Variants in ERC2 observed in about 807,000 individuals in gnomAD.
ERC2 encodes ERC protein 2.
In ERC2, 42 loss-of-function variants were observed where a neutral mutation model predicts 114.8. The observed-to-expected ratio is 0.37, with a 90% CI of 0.29 to 0.47. The LOEUF is 0.47. Among genes scored for constraint, ERC2 ranks in the 20% least tolerant of loss-of-function variants. The pLI, the probability that ERC2 is intolerant of heterozygous loss-of-function variation, is 0.99. For missense variants in ERC2, 939 were observed against 1,150.7 expected (o/e 0.82, Z 2.66); for synonymous variants, 454 against 425.5 (o/e 1.07, Z -0.82).
Position 56,156,560 on chromosome 3 carries a change from C to G in ERC2, c.1150-7428G>C, listed in dbSNP as rs147231967. ...CCTAGGTAAGGGGTGGAGTTGGGTGCAGGGTACTCTGAGGGTTTGGGGTAG... is the reference window on the plus strand; with the variant it reads ...CCTAGGTAAGGGGTGGAGTTGGGTGGAGGGTACTCTGAGGGTTTGGGGTAG... On this transcript the variant is annotated intron_variant, in intron 4 of 17. Transcript: ENST00000288221. Among the ~76,000 whole-genome samples, 37 of 152,190 alleles carry G rather than the reference C, an allele frequency of 2.4e-4. No homozygotes were observed. In the East Asian group the frequency reaches 5.8e-3, roughly 24 times the overall value.
chr3:56,016,094 T>A (rs2073288040), intron 8 of ERC2, among the ~76,000 whole-genome samples: 1 of 152,194 alleles, frequency 6.6e-6, no homozygotes, highest in Non-Finnish European at 1.5e-5. Flanking sequence ...TCCTTGCATA[T>A]TCTGGATATT....
At chr3:56,219,709 T>A (rs2049769480) in intron 3 of ERC2, among the ~76,000 whole-genome samples, 1 of 149,048 alleles carries the variant, frequency 6.7e-6, no homozygotes, top group Admixed American at 6.7e-5. Flanking sequence ...GAAAGAGTGT[T>A]GGGCTCAGAG....
intron 17 of ERC2, among the ~76,000 whole-genome samples, chr3:55,635,353 C>A (rs939950460): frequency 6.6e-6 from 1 of 151,942 alleles, no homozygotes; most frequent in Non-Finnish European, 1.5e-5. Context: ...GTGGTGAAAT[C>A]ATATCATTAT....
chr3:55,900,335 A>C (rs528874209), intron 13 of ERC2, among the ~76,000 whole-genome samples: 1 of 152,266 alleles, frequency 6.6e-6, no homozygotes, highest in East Asian at 1.9e-4. Flanking sequence ...TTTCTTCAGC[A>C]CTCAAAATAA....
At chr3:56,312,603 TG>T (rs2056645034) in intron 2 of ERC2, among the ~76,000 whole-genome samples, 1 of 152,182 alleles carries the variant, frequency 6.6e-6, no homozygotes, top group Non-Finnish European at 1.5e-5. Context: ...TTAAATGCTA[TG>T]TATCAATTTA....
intron 12 of ERC2, among the ~76,000 whole-genome samples, chr3:55,952,753 C>T (rs1418920153): frequency 2.0e-5 from 3 of 152,298 alleles, no homozygotes; most frequent in African/African-American, 7.2e-5. Flanking sequence ...TTACAAACAT[C>T]ATTTGCACAG....
At chr3:56,160,005 A>G (rs2081966060) in intron 4 of ERC2, among the ~76,000 whole-genome samples, 1 of 152,144 alleles carries the variant, frequency 6.6e-6, no homozygotes, top group Non-Finnish European at 1.5e-5. Flanking sequence ...AACAATTTAC[A>G]TTCCTTTGGG....
intron 17 of ERC2, among the ~76,000 whole-genome samples, chr3:55,627,359 G>T (rs113280889): frequency 1.3e-5 from 2 of 151,998 alleles, no homozygotes; most frequent in Admixed American, 1.3e-4. Flanking sequence ...CCAGCTACTC[G>T]GGAGGCTGAG....
intron 1 of ERC2, among the ~76,000 whole-genome samples, chr3:56,442,578 C>T (rs983543992): frequency 2.0e-5 from 3 of 152,176 alleles, no homozygotes; most frequent in Admixed American, 1.3e-4. Context: ...TAGACCAGTA[C>T]TTCCTGAACA....
chr3:55,550,244 C>T (rs190993552), intron 17 of ERC2, among the ~76,000 whole-genome samples: 6 of 152,270 alleles, frequency 3.9e-5, no homozygotes, highest in Admixed American at 3.9e-4. Flanking sequence ...TCCCTGAAGC[C>T]TCCATTCTTG....
intron 2 of ERC2, among the ~76,000 whole-genome samples, chr3:56,394,113 C>A (rs186630720): frequency 2.6e-5 from 4 of 152,234 alleles, no homozygotes; most frequent in Admixed American, 2.6e-4. Flanking sequence ...CAAGGTCAGC[C>A]AACATGCCCA....
intron 14 of ERC2, among the ~76,000 whole-genome samples, chr3:55,794,228 G>GCTAT (rs2070292377): frequency 6.6e-6 from 1 of 152,124 alleles, no homozygotes; most frequent in African/African-American, 2.4e-5. Context: ...TTTGCTATCT[G>GCTAT]GTGCCAGGAA....
At chr3:55,522,728 C>G (rs999253538) in intron 17 of ERC2, among the ~76,000 whole-genome samples, 14 of 152,186 alleles carry the variant, frequency 9.2e-5, no homozygotes, top group African/African-American at 2.9e-4. Flanking sequence ...AACCCTTGGT[C>G]TCCCATCTCC....
At chr3:55,834,997 T>C (rs2060804589) in intron 14 of ERC2, among the ~76,000 whole-genome samples, 2 of 151,302 alleles carry the variant, frequency 1.3e-5, no homozygotes, top group African/African-American at 4.9e-5. Context: ...CTAGAAAATC[T>C]AGAAGAAATG....
At chr3:56,295,871 T>A in intron 3 of ERC2, 148 bp downstream of exon 3, 1 of 811,698 alleles carries the variant, frequency 1.2e-6, no homozygotes, top group Non-Finnish European at 1.9e-6. Flanking sequence ...TCCAGTTTAA[T>A]GGTCTTAAGC....
intron 8 of ERC2, among the ~76,000 whole-genome samples, chr3:56,012,895 T>C (rs1487086944): frequency 1.3e-5 from 2 of 152,240 alleles, no homozygotes; most frequent in Non-Finnish European, 2.9e-5. Flanking sequence ...TTTAGTCTTA[T>C]TTGCATTGGC....
intron 13 of ERC2, among the ~76,000 whole-genome samples, chr3:55,904,822 CAGAA>C: frequency 6.6e-6 from 1 of 152,334 alleles, no homozygotes; most frequent in East Asian, 1.9e-4. Context: ...TCAATTTAGA[CAGAA>C]AGAAAAGCAT....
At chr3:55,639,128 A>G (rs1467927791) in intron 17 of ERC2, among the ~76,000 whole-genome samples, 1 of 152,216 alleles carries the variant, frequency 6.6e-6, no homozygotes, top group African/African-American at 2.4e-5. Context: ...GTTCTCAAAC[A>G]AAGAGTTGAA....
At chr3:55,678,153 A>T (rs1226884833) in intron 17 of ERC2, among the ~76,000 whole-genome samples, 2 of 152,122 alleles carry the variant, frequency 1.3e-5, no homozygotes, top group Non-Finnish European at 2.9e-5. Flanking sequence ...AAAACATCTT[A>T]CTTTGCCCAG....
Sources: gnomAD v4.1 joint callset for allele counts (sites outside exome capture counted in the v4.1 genomes callset) on GRCh38, gnomAD v4.1.1 for gene constraint, MANE v1.5 for transcripts, NCBI Gene and HGNC (gene_info 2026-07-23, HGNC 2026-07-21) for gene names.